Variants in LRP1 observed in about 807,000 individuals in gnomAD.
The protein encoded by LRP1 is prolow-density lipoprotein receptor-related protein 1.
LRP1 carries 51 observed loss-of-function variants against 541.5 expected under a neutral mutation model. The observed-to-expected ratio is 0.09, with a 90% CI of 0.08 to 0.12. LRP1 has a LOEUF of 0.12. Ranked by LOEUF, LRP1 falls within the 10% of genes least tolerant of loss-of-function variation. LRP1 has a pLI of 1.00. For missense variants in LRP1, 3,878 were observed against 6,376.2 expected, an observed-to-expected ratio of 0.61 and a Z score of 13.34; for synonymous variants, 2,219 against 2,470.8, an observed-to-expected ratio of 0.90 and a Z score of 3.02.
chr12:57,211,969 T>C lies in LRP1; in HGVS notation c.13301T>C (p.Leu4434Pro). The C allele has an allele frequency of 2.2e-5, 36 of 1,614,188 alleles. No homozygotes were observed. Among genetic ancestry groups the C allele is most frequent in the Non-Finnish European group, 3.0e-5 (35 of 1,180,036 alleles). ...ILIPLLLLLL[L>P]VLVAGVVFWY... ...ATCCCTCTGCTGTTGCTGCTGCTGC[T>C]GGTTCTGGTGGCCGGAGTGGTATTC... The change falls in exon 87 of 89, where the codon CTG (leucine) becomes CCG (proline). Residue 4434 changes from leucine (L) to proline (P), a missense_variant. Coordinates refer to ENST00000243077, the MANE Select transcript of LRP1 (RefSeq NM_002332.3). This position sits in a 1 kb window ranked among gnomAD's most constrained non-coding sequence, Gnocchi z 4.3.
Position 57,178,883 on chromosome 12 carries a change from C to T in LRP1, c.4607-7C>T, listed in dbSNP as rs2036103633. On this transcript the variant is annotated splice_region_variant and splice_polypyrimidine_tract_variant and intron_variant, in intron 27 of 88. Transcript: ENST00000243077. This position sits in a 1 kb window ranked among gnomAD's most constrained non-coding sequence, Gnocchi z 5.8. ...CTGGCTTCTTCTCTTCTCCACCCTG[C>T]CCCCAGCTCCCAATCCCTGTGAGGC... The T allele has an allele frequency of 6.2e-7, 1 of 1,608,194 alleles. No individual in the cohort carries two copies. Among genetic ancestry groups the T allele is most frequent in the African/African-American group, 1.3e-5 (1 of 74,672 alleles).
rs2035896538 is a variant in LRP1 at position 57,169,180 on chromosome 12, C to T, written c.3036C>T (p.Ser1012=). 1 of 1,613,282 alleles carries T rather than the reference C, an allele frequency of 6.2e-7. No individual in the cohort carries two copies. Among genetic ancestry groups the T allele is most frequent in the Non-Finnish European group, 8.5e-7 (1 of 1,179,448 alleles). Residue 1012 remains serine, a synonymous_variant, in exon 20 of 89, where the codon AGC becomes AGT. Transcript: ENST00000243077. ...CGDNSDEAGC[S]HSCSSTQFKC... ...ACAACAGTGACGAAGCCGGCTGCAG[C>T]CACTCCTGTTCTAGCACCCAGTTCA...
chr12:57,158,253 G>A lies in LRP1; in HGVS notation c.1562-149G>A, dbSNP rs968159105. 1.9e-5 allele frequency: 13 copies of A among 683,276 alleles called. No individual in the cohort carries two copies. Among genetic ancestry groups the A allele is most frequent in the South Asian group, 1.4e-4 (8 of 55,958 alleles). 42.3% of individuals were successfully genotyped at this position (683,276 alleles called of 1,614,324 possible). A position where few individuals can be genotyped will look rare whatever the true frequency, so the allele number is the denominator to read the frequency against. Reference sequence around the variant, plus strand: ...CATCGTCCTGTATGTTAGCGTGTGCGTGGTCTGTCCATCTGACCCAGAGCC... The same window carrying A: ...CATCGTCCTGTATGTTAGCGTGTGCATGGTCTGTCCATCTGACCCAGAGCC... On this transcript the variant is annotated intron_variant, in intron 10 of 88. Coordinates refer to ENST00000243077, the MANE Select transcript of LRP1 (RefSeq NM_002332.3). The surrounding 1 kb of genome is among the most constrained non-coding windows in gnomAD (Gnocchi z 5.3).
intron 19 of LRP1, chr12:57,168,284 C>T (rs1187387593): frequency 6.5e-6 from 1 of 153,266 alleles, no homozygotes; most frequent in Non-Finnish European, 1.5e-5. Flanking sequence ...CAGCTGGCCC[C>T]AGCCCCCTGC....
At chr12:57,140,735 T>G (rs372738558) in intron 2 of LRP1, among the ~76,000 whole-genome samples, 17 of 152,254 alleles carry the variant, frequency 1.1e-4, no homozygotes, top group African/African-American at 2.6e-4. Context: ...AAACCTTTTT[T>G]TTTGTTTGTT....
intron 55 of LRP1, 58 bp from the exon 56 acceptor site, chr12:57,196,924 C>T: frequency 1.4e-5 from 21 of 1,470,124 alleles, no homozygotes; most frequent in Middle Eastern, 4.5e-4. Flanking sequence ...GCCAGGTCTC[C>T]AGGGTGGGAG....
rs1039412027 is a variant in LRP1 at position 57,194,828 on chromosome 12, CT to C, written c.8191+131del. 4.7e-6 allele frequency: 6 copies of C among 1,286,210 alleles called. No individual in the cohort carries two copies. In the Admixed American group the frequency reaches 1.2e-4, roughly 26 times the overall value. The allele number at this position is 1,286,210 out of a possible 1,614,324, so 79.7% of individuals were successfully genotyped here. A position where few individuals can be genotyped will look rare whatever the true frequency, so the allele number is the denominator to read the frequency against. On this transcript the variant is annotated intron_variant, in intron 50 of 88. Transcript: ENST00000243077. ...CAACCCCCTGCCCCACACCCCAACT[CT>C]TGAGGTCAGACTCAGAGACTCTGCC...
chr12:57,211,870 G>T lies in LRP1; in HGVS notation c.13258+56G>T. ...CACCGGGACCTAGAGCAGGGGGACC[G>T]TGTGCCTCCTGCTTCCCTGAGCCTT... On this transcript the variant is annotated intron_variant, in intron 86 of 88. Transcript: ENST00000243077. The surrounding 1 kb of genome is among the most constrained non-coding windows in gnomAD (Gnocchi z 4.3). 1 of 1,611,506 alleles carries T rather than the reference G, an allele frequency of 6.2e-7. No individual in the cohort carries two copies. The highest frequency in any genetic ancestry group is 8.5e-7 in the Non-Finnish European group (1 of 1,177,952).
At chr12:57,143,919 G>C in intron 4 of LRP1, 121 bp downstream of exon 4, 2 of 1,321,442 alleles carry the variant, frequency 1.5e-6, no homozygotes, top group Non-Finnish European at 2.0e-6. Flanking sequence ...GAAGGTGCAA[G>C]AGAGGGGGTG....
At chr12:57,129,148 C>A in intron 1 of LRP1, 117 bp downstream of exon 1, 1 of 1,099,532 alleles carries the variant, frequency 9.1e-7, no homozygotes, top group Non-Finnish European at 1.3e-6. Flanking sequence ...TTATCCCAGT[C>A]CAGCTGACAC....
In LRP1 at chr12:57,165,334, A is replaced by G. The variant is rs2035817434; in HGVS notation, c.2531-471A>G. ...AAGACAGATAGTGATGGTGAGGCATACGTTCTGGGGACAGGATGGGTGGAG... is the reference window on the plus strand; with the variant it reads ...AAGACAGATAGTGATGGTGAGGCATGCGTTCTGGGGACAGGATGGGTGGAG... On this transcript the variant is annotated intron_variant, in intron 15 of 88. Transcript: ENST00000243077. The surrounding 1 kb of genome is among the most constrained non-coding windows in gnomAD (Gnocchi z 4.5). 2 of 159,360 alleles carry G rather than the reference A, an allele frequency of 1.3e-5. No homozygotes were observed. Among genetic ancestry groups the G allele is most frequent in the Non-Finnish European group, 2.8e-5 (2 of 71,948 alleles). 9.9% of individuals were successfully genotyped at this position (159,360 alleles called of 1,614,324 possible).
intron 61 of LRP1, 124 bp downstream of exon 61, chr12:57,199,524 G>T: frequency 9.1e-7 from 1 of 1,095,554 alleles, no homozygotes; most frequent in Non-Finnish European, 1.3e-6. Context: ...GAGACTCCAG[G>T]AGGGTCTAGA....
chr12:57,143,452 T>C (rs1055012419), intron 3 of LRP1, among the ~76,000 whole-genome samples: 2 of 152,252 alleles, frequency 1.3e-5, no homozygotes, highest in African/African-American at 2.4e-5. Flanking sequence ...ATGTGGGTTC[T>C]AAGCCATCAC....
chr12:57,198,317 G>A lies in LRP1; in HGVS notation c.9444G>A (p.Arg3148=). 2 of 1,613,782 alleles carry A rather than the reference G, an allele frequency of 1.2e-6. No individual in the cohort carries two copies. Among genetic ancestry groups the A allele is most frequent in the African/African-American group, 1.3e-5 (1 of 75,054 alleles). The part of the protein sequence containing the change: ...VLVSSGLREP[R]ALVVDVQNGY... ...TCAGCTCTGGCCTCCGTGAGCCCAG[G>A]GCTCTGGTGGTGGATGTGCAGAATG... Residue 3148 remains arginine (R), a synonymous_variant, in exon 59 of 89, where the codon AGG becomes AGA. Coordinates refer to ENST00000243077, the MANE Select transcript of LRP1 (RefSeq NM_002332.3).
At position 57,185,406 on chromosome 12, in the gene LRP1, G is replaced by A. The variant is rs565479469; in HGVS notation, c.6464-125G>A. The A allele has an allele frequency of 7.9e-4, 1,065 of 1,356,566 alleles. No homozygotes were observed. The highest frequency in any genetic ancestry group is 1.0e-3 in the Non-Finnish European group (1,022 of 1,013,490). The allele number at this position is 1,356,566 out of a possible 1,614,324, so 84.0% of individuals were successfully genotyped here. On this transcript the variant is annotated intron_variant, in intron 40 of 88. Transcript: ENST00000243077. This position sits in a 1 kb window ranked among gnomAD's most constrained non-coding sequence, Gnocchi z 4.9. ...ATCTTGGCATTGGACTCTGGGCCCT[G>A]GAGGGTCATTCAAGCTGGGAATACC...
chr12:57,193,158 C>T lies in LRP1; in HGVS notation c.7556-18C>T, dbSNP rs757320067. 1.2e-6 allele frequency: 2 copies of T among 1,613,014 alleles called. No homozygotes were observed. The highest frequency in any genetic ancestry group is 1.7e-6 in the Non-Finnish European group (2 of 1,179,426). ...CCACAGCGCTGGCTCAGAAAGCTCC[C>T]TCCACCTCCCTCCCCAGCGGTGAAT... On this transcript the variant is annotated intron_variant, in intron 45 of 88. Transcript: ENST00000243077.
At chr12:57,129,326 A>G (rs2034988406) in intron 1 of LRP1, among the ~76,000 whole-genome samples, 1 of 151,850 alleles carries the variant, frequency 6.6e-6, no homozygotes, top group East Asian at 1.9e-4. Context: ...TTCTTTTCCT[A>G]TCTCTGTTCG....
In LRP1 at chr12:57,205,224, C is replaced by T. The variant is rs199784887; in HGVS notation, c.11310C>T (p.Gly3770=). The T allele has an allele frequency of 8.7e-5, 140 of 1,613,640 alleles. No homozygotes were observed. The African/African-American group carries it at 1.6e-3, about 19-fold the overall frequency. The part of the protein sequence containing the change: ...RCNMFDDCGD[G]SDEEDCSIDP... ...ACATGTTCGATGACTGCGGGGACGG[C>T]TCTGACGAGGAGGACTGCAGCATCG... The change falls in exon 73 of 89, where the codon GGC becomes GGT. Residue 3770 remains glycine (G), a synonymous_variant. Transcript: ENST00000243077. This position sits in a 1 kb window ranked among gnomAD's most constrained non-coding sequence, Gnocchi z 4.6.
chr12:57,130,044 T>C (rs1471416232), intron 1 of LRP1, among the ~76,000 whole-genome samples: 1 of 152,126 alleles, frequency 6.6e-6, no homozygotes, highest in Admixed American at 6.5e-5. Context: ...CTCTCTTCCC[T>C]TTTTTTGTCA....
Sources: allele counts gnomAD v4.1 joint callset (sites outside exome capture counted in the v4.1 genomes callset), GRCh38; gene constraint gnomAD v4.1.1; non-coding constraint Gnocchi (gnomAD v3.1); transcripts MANE v1.5; gene names NCBI Gene and HGNC (gene_info 2026-07-23, HGNC 2026-07-21).